NXNL1: variants seen among roughly 807,000 people sequenced by gnomAD.
NXNL1 encodes the protein nucleoredoxin like 1, also known as nucleoredoxin-like protein 1.
In NXNL1, 6 loss-of-function variants were observed where a neutral mutation model predicts 7.2. That is an observed-to-expected ratio of 0.83 (90% confidence interval 0.46 to 1.64). The LOEUF (loss-of-function observed/expected upper bound fraction) is 1.64. Among genes scored for constraint, NXNL1 ranks in the 40% most tolerant of loss-of-function variants. The probability of loss-of-function intolerance (pLI) is 0.01; values close to 1 mark genes in which losing one functional copy is unlikely to be tolerated. For synonymous variants in NXNL1, 133 were observed against 127.2 expected, an observed-to-expected ratio of 1.05 and a Z score of -0.31; for missense variants, 308 against 285.1, an observed-to-expected ratio of 1.08 and a Z score of -0.58.
At chr19:17,458,277 T>C (rs558440088) in intron 1 of NXNL1, among the ~76,000 whole-genome samples, 117 of 146,846 alleles carry the variant, frequency 8.0e-4, no homozygotes, top group Admixed American at 2.3e-3. Flanking sequence ...TGGAGTGCAG[T>C]GGCACGATCT....
chr19:17,459,145 T>C (rs1184750054), intron 1 of NXNL1, among the ~76,000 whole-genome samples: 1 of 152,198 alleles, frequency 6.6e-6, no homozygotes, highest in Non-Finnish European at 1.5e-5. Flanking sequence ...CTGAGGATCA[T>C]GTCTATACTT....
chr19:17,456,124 G>T (rs1475154963), intron 1 of NXNL1, among the ~76,000 whole-genome samples, 165 bp from the exon 2 acceptor site: 2 of 152,012 alleles, frequency 1.3e-5, no homozygotes, highest in African/African-American at 4.8e-5. Flanking sequence ...CAGACACTTT[G>T]GTCCCCGCGC....
At chr19:17,457,242 A>C (rs1381452842) in intron 1 of NXNL1, among the ~76,000 whole-genome samples, 1 of 152,094 alleles carries the variant, frequency 6.6e-6, no homozygotes, top group African/African-American at 2.4e-5. Context: ...TCTCTATTCT[A>C]TATATAAATA....
chr19:17,455,691 C>CCCCCGG lies in NXNL1; in HGVS notation c.594_595insCCGGGG (p.Pro198_Gly199insProGly). On this transcript the variant is annotated inframe_insertion, in exon 2 of 2. Coordinates refer to ENST00000301944, the MANE Select transcript of NXNL1 (RefSeq NM_138454.2). ...CCGCCCTCCTCCCCACCCCCTCCCCCGGGGTCGCGCCCGCCTCGCGCCGCC... is the reference window on the plus strand; with the variant it reads ...CCGCCCTCCTCCCCACCCCCTCCCCCCCCCGGGGGGTCGCGCCCGCCTCGCGCCGCC... The CCCCCGG allele has an allele frequency of 1.3e-6, 2 of 1,513,708 alleles. No homozygotes were observed. Among genetic ancestry groups the CCCCCGG allele is most frequent in the Non-Finnish European group, 1.8e-6 (2 of 1,130,288 alleles). 93.8% of individuals were successfully genotyped at this position (1,513,708 alleles called of 1,614,324 possible).
Position 17,455,803 on chromosome 19 carries a change from G to A in NXNL1, c.483C>T (p.Arg161=), listed in dbSNP as rs539457870. Residue 161 remains arginine, a synonymous_variant, in exon 2 of 2, where the codon CGC becomes CGT. Transcript: ENST00000301944. The part of the protein sequence containing the change: ...NWQEAAEVLD[R]NFQLPEDLED... The stretch of plus-strand genomic sequence containing the variant: ...CCAGGTCCTCTGGCAGCTGGAAGTT[G>A]CGGTCCAGCACCTCGGCCGCCTCCT... The A allele has an allele frequency of 1.8e-5, 29 of 1,567,804 alleles. No individual in the cohort carries two copies. The African/African-American group carries it at 3.6e-4, about 20-fold the overall frequency.
chr19:17,459,418 TTTTTTA>T (rs941128372), intron 1 of NXNL1, among the ~76,000 whole-genome samples: 21 of 86,108 alleles, frequency 2.4e-4, no homozygotes, highest in Admixed American at 9.3e-4. Context: ...ACATTTTTTA[TTTTTTA>T]TTTTTATTTT....
intron 1 of NXNL1, 90 bp downstream of exon 1, chr19:17,460,454 G>A (rs535161098): frequency 7.2e-7 from 1 of 1,380,652 alleles, no homozygotes; most frequent in African/African-American, 1.4e-5. Flanking sequence ...CTGGCACACA[G>A]GGGCTGCTCA....
chr19:17,457,961 T>C (rs2074998904), intron 1 of NXNL1, among the ~76,000 whole-genome samples: 1 of 152,180 alleles, frequency 6.6e-6, no homozygotes, highest in African/African-American at 2.4e-5. Context: ...ACAAAAGGCA[T>C]GACATTGGGA....
intron 1 of NXNL1, among the ~76,000 whole-genome samples, chr19:17,458,225 T>C (rs1226897586): frequency 6.2e-5 from 9 of 146,302 alleles, no homozygotes; most frequent in Non-Finnish European, 1.1e-4. Flanking sequence ...TCTTTCTTTT[T>C]TTTTTTTTTT....
At position 17,460,916 on chromosome 19, in the gene NXNL1, G is replaced by A; in HGVS notation, c.-47C>T. 6.4e-7 allele frequency: 1 copy of A among 1,572,950 alleles called. No homozygotes were observed. Among genetic ancestry groups the A allele is most frequent in the Non-Finnish European group, 8.7e-7 (1 of 1,150,396 alleles). On this transcript the variant is annotated 5_prime_UTR_variant, in exon 1 of 2. Coordinates refer to ENST00000301944, the MANE Select transcript of NXNL1 (RefSeq NM_138454.2). Reference sequence around the variant, plus strand: ...GGGACAGCGCGGCGTGTGGTCCCCGGTCTGCTGACTGGCTCCTCTCCCAGA... The same window carrying A: ...GGGACAGCGCGGCGTGTGGTCCCCGATCTGCTGACTGGCTCCTCTCCCAGA...
Position 17,455,562 on chromosome 19 carries a change from A to G in NXNL1, c.*85T>C, listed in dbSNP as rs1215942278. On this transcript the variant is annotated 3_prime_UTR_variant, in exon 2 of 2. Transcript: ENST00000301944. ...GCGATCCTCCCGCCTTGGCCTCCCC[A>G]AGTGCTGGGATTACAGGCGTGCGGG... The G allele has an allele frequency of 1.2e-6, 1 of 841,908 alleles. No individual in the cohort carries two copies. Among genetic ancestry groups the G allele is most frequent in the South Asian group, 1.8e-5 (1 of 57,022 alleles). 52.2% of individuals were successfully genotyped at this position (841,908 alleles called of 1,614,324 possible). A position where few individuals can be genotyped will look rare whatever the true frequency, so the allele number is the denominator to read the frequency against.
chr19:17,460,826 C>G lies in NXNL1; in HGVS notation c.44G>C (p.Ser15Thr), dbSNP rs995357676. 2 of 1,613,686 alleles carry G rather than the reference C, an allele frequency of 1.2e-6. No individual in the cohort carries two copies. Among genetic ancestry groups the G allele is most frequent in the African/African-American group, 2.7e-5 (2 of 74,920 alleles). The change falls in exon 1 of 2, where the codon AGC becomes ACC. Residue 15 changes from serine (S) to threonine (T), a missense_variant. Physicochemically the swap from Ser to Thr is moderately conservative, Grantham distance 58. Coordinates refer to ENST00000301944, the MANE Select transcript of NXNL1 (RefSeq NM_138454.2). ...CTCCGTATCCAGCTCGTCCTGGTCGCTATTGTTGCGGATCAGGATGCGGCC... is the reference window on the plus strand; with the variant it reads ...CTCCGTATCCAGCTCGTCCTGGTCGGTATTGTTGCGGATCAGGATGCGGCC... ...FSGRILIRNN[S>T]DQDELDTEAE... is the part of the protein sequence containing the mutation.
chr19:17,460,004 A>G (rs1433273399), intron 1 of NXNL1, among the ~76,000 whole-genome samples: 1 of 150,880 alleles, frequency 6.6e-6, no homozygotes, highest in Non-Finnish European at 1.5e-5. Flanking sequence ...GCAATTCGCT[A>G]TTATATATTT....
chr19:17,457,187 C>T (rs1164765674), intron 1 of NXNL1, among the ~76,000 whole-genome samples: 1 of 151,812 alleles, frequency 6.6e-6, no homozygotes, highest in Non-Finnish European at 1.5e-5. Flanking sequence ...TGCTTGAGCC[C>T]AACGGTTTGA....
chr19:17,458,026 G>A (rs1010082695), intron 1 of NXNL1, among the ~76,000 whole-genome samples: 3 of 151,992 alleles, frequency 2.0e-5, no homozygotes, highest in Non-Finnish European at 2.9e-5. Flanking sequence ...AACTATACAC[G>A]TATGCATATA....
chr19:17,456,792 TGAGTA>T (rs886205852), intron 1 of NXNL1, among the ~76,000 whole-genome samples: 6 of 152,004 alleles, frequency 3.9e-5, no homozygotes, highest in Admixed American at 2.6e-4. Context: ...CAAAATCCCA[TGAGTA>T]GATTGCCAGG....
At chr19:17,456,346 G>C (rs2074993467) in intron 1 of NXNL1, among the ~76,000 whole-genome samples, 1 of 76,930 alleles carries the variant, frequency 1.3e-5, no homozygotes, top group Non-Finnish European at 3.0e-5. Flanking sequence ...AAATAAAGCA[G>C]GGTGTGGTGG....
At position 17,460,525 on chromosome 19, in the gene NXNL1, C is replaced by T; in HGVS notation, c.326+19G>A. On this transcript the variant is annotated intron_variant, in intron 1 of 1. Transcript: ENST00000301944. The stretch of plus-strand genomic sequence containing the variant: ...GAACATGCCCCCTCCTCCAGGAAGC[C>T]CTCCCTGCCCCTCCTCACCTCCTCA... 6.3e-7 allele frequency: 1 copy of T among 1,598,664 alleles called. No homozygotes were observed. Among genetic ancestry groups the T allele is most frequent in the Non-Finnish European group, 8.5e-7 (1 of 1,179,384 alleles).
chr19:17,455,726 C>G lies in NXNL1; in HGVS notation c.560G>C (p.Arg187Pro). ...LTECLRRHKY[R>P]VEKAARGGRD... is the part of the protein sequence containing the mutation. ...CCCGCCTCGCGCCGCCTTTTCCACG[C>G]GGTACTTGTGGCGGCGCAGGCACTC... Residue 187 changes from arginine (R) to proline (P), a missense_variant, in exon 2 of 2, where the codon CGC becomes CCC. Arg to Pro is a moderately radical substitution (Grantham distance 103, BLOSUM62 -2). Coordinates refer to ENST00000301944, the MANE Select transcript of NXNL1 (RefSeq NM_138454.2). The G allele has an allele frequency of 6.5e-7, 1 of 1,538,520 alleles. No individual in the cohort carries two copies. Among genetic ancestry groups the G allele is most frequent in the Non-Finnish European group, 8.7e-7 (1 of 1,147,728 alleles).
Sources: gnomAD v4.1 joint callset for allele counts (sites outside exome capture counted in the v4.1 genomes callset) on GRCh38, gnomAD v4.1.1 for gene constraint, MANE v1.5 for transcripts, NCBI Gene and HGNC (gene_info 2026-07-23, HGNC 2026-07-21) for gene names.